PHIP: variants seen among roughly 807,000 people sequenced by gnomAD.
PHIP encodes the protein PHIP subunit of CUL4-Ring ligase complex, also known as PH-interacting protein.
Under a neutral mutation model 236.8 loss-of-function variants are expected in PHIP, and 54 were observed. The ratio of observed to expected loss-of-function variants is 0.23; its 90% CI spans 0.18 to 0.29. The LOEUF (loss-of-function observed/expected upper bound fraction) is 0.29, where lower values mean the gene tolerates loss of function less well. PHIP is among the 10% of genes least tolerant of loss of function. PHIP has a pLI of 1.00. For synonymous variants in PHIP, 756 were observed against 718.9 expected (o/e 1.05, Z -0.83); for missense variants, 1,370 against 2,190.8 (o/e 0.63, Z 7.48).
chr6:79,002,144 T>C lies in PHIP; in HGVS notation c.1654-20A>G, dbSNP rs771116318. 2 of 1,525,164 alleles carry C rather than the reference T, an allele frequency of 1.3e-6. No individual in the cohort carries two copies. The highest frequency in any genetic ancestry group is 1.8e-6 in the Non-Finnish European group (2 of 1,108,690). The allele number at this position is 1,525,164 out of a possible 1,614,324, so 94.5% of individuals were successfully genotyped here. On this transcript the variant is annotated intron_variant, in intron 16 of 39. Coordinates refer to ENST00000275034, the MANE Select transcript of PHIP (RefSeq NM_017934.7). ...TGCTATCTGCAAAAAGAAAAGTCCATAAAAGACTGGAAAAATAAAAATGTA... is the reference window on the plus strand; with the variant it reads ...TGCTATCTGCAAAAAGAAAAGTCCACAAAAGACTGGAAAAATAAAAATGTA...
intron 6 of PHIP, among the ~76,000 whole-genome samples, chr6:79,054,000 TG>T (rs1373707188): frequency 6.6e-6 from 1 of 152,038 alleles, no homozygotes; most frequent in Admixed American, 6.6e-5. Flanking sequence ...TTCAAAGTTT[TG>T]CCCCCTTTTT....
chr6:78,993,266 G>C (rs1008369003), intron 19 of PHIP, among the ~76,000 whole-genome samples: 5 of 152,234 alleles, frequency 3.3e-5, no homozygotes, highest in Non-Finnish European at 7.3e-5. Context: ...TAAAAGTGTA[G>C]GGTGAAGCAG....
At chr6:79,062,489 G>T (rs1413384135) in intron 4 of PHIP, among the ~76,000 whole-genome samples, 1 of 152,078 alleles carries the variant, frequency 6.6e-6, no homozygotes, top group Non-Finnish European at 1.5e-5. Flanking sequence ...TTATTTTAAT[G>T]TGACTTAATT....
At chr6:79,033,349 T>A (rs539478066) in intron 7 of PHIP, among the ~76,000 whole-genome samples, 3 of 152,238 alleles carry the variant, frequency 2.0e-5, no homozygotes, top group East Asian at 3.8e-4. Flanking sequence ...TCCTAGATGA[T>A]GTATTTTTCC....
At chr6:79,003,490 TAA>T (rs1024658019) in intron 16 of PHIP, among the ~76,000 whole-genome samples, 2 of 152,036 alleles carry the variant, frequency 1.3e-5, no homozygotes, top group Admixed American at 1.3e-4. Flanking sequence ...CCCAGGAGGC[TAA>T]GAGTTATTTT....
intron 9 of PHIP, among the ~76,000 whole-genome samples, chr6:79,023,839 A>C (rs1771254955): frequency 6.6e-6 from 1 of 152,188 alleles, no homozygotes; most frequent in African/African-American, 2.4e-5. Flanking sequence ...TTAATTCTGT[A>C]AAACATTTTC....
intron 20 of PHIP, among the ~76,000 whole-genome samples, chr6:78,990,440 T>C (rs190099057): frequency 1.3e-5 from 2 of 152,246 alleles, no homozygotes; most frequent in Admixed American, 1.3e-4. Context: ...CCTCTCTTAA[T>C]GAAGAAAATG....
At chr6:79,067,471 T>C (rs549162449) in intron 4 of PHIP, among the ~76,000 whole-genome samples, 3 of 152,370 alleles carry the variant, frequency 2.0e-5, no homozygotes, top group Non-Finnish European at 2.9e-5. Context: ...TAAAATATCA[T>C]GTTATATTAT....
Position 78,978,684 on chromosome 6 carries a change from T to C in PHIP, c.2797A>G (p.Asn933Asp). 6.3e-7 allele frequency: 1 copy of C among 1,595,408 alleles called. No homozygotes were observed. The highest frequency in any genetic ancestry group is 1.1e-5 in the South Asian group (1 of 88,500). Residue 933 changes from asparagine to aspartate, a missense_variant, in exon 24 of 40, where the codon AAT becomes GAT. Asn to Asp is a conservative substitution (Grantham distance 23, BLOSUM62 1). Coordinates refer to ENST00000275034, the MANE Select transcript of PHIP (RefSeq NM_017934.7). ...KRLAVGELTE[N>D]GLTLEEWLPS... is the part of the protein sequence containing the mutation. ...AACCATTCTTCTAATGTCAAACCATTTTCAGTTAGTTCTCCCACAGCCAAT... is the reference window on the plus strand; with the variant it reads ...AACCATTCTTCTAATGTCAAACCATCTTCAGTTAGTTCTCCCACAGCCAAT...
chr6:78,972,696 G>C lies in PHIP; in HGVS notation c.2890-1808C>G, dbSNP rs1181238923. Among the ~76,000 whole-genome samples, 3 of 152,326 alleles carry C rather than the reference G, an allele frequency of 2.0e-5. No homozygotes were observed. In the East Asian group the frequency reaches 5.8e-4, roughly 29 times the overall value. On this transcript the variant is annotated intron_variant, in intron 24 of 39. Transcript: ENST00000275034. ...AGAAGTGCTTAAAGGAGCTGATAGAGCTGAAAACCAAGGCTCGAGAACTAT... is the reference window on the plus strand; with the variant it reads ...AGAAGTGCTTAAAGGAGCTGATAGACCTGAAAACCAAGGCTCGAGAACTAT...
At chr6:79,026,296 T>G (rs1331957127) in intron 7 of PHIP, 132 bp from the exon 8 acceptor site, 1 of 681,304 alleles carries the variant, frequency 1.5e-6, no homozygotes, top group African/African-American at 1.8e-5. Flanking sequence ...TGTTAAATAC[T>G]TGTGTTAGCT....
chr6:78,984,265 G>A (rs1257767554), intron 22 of PHIP, among the ~76,000 whole-genome samples: 3 of 152,142 alleles, frequency 2.0e-5, no homozygotes, highest in Non-Finnish European at 4.4e-5. Context: ...ATTTCACTAT[G>A]AAATTTAAAA....
chr6:78,975,279 A>G (rs1217236956), intron 24 of PHIP, among the ~76,000 whole-genome samples: 9 of 152,180 alleles, frequency 5.9e-5, no homozygotes, highest in Non-Finnish European at 1.0e-4. Flanking sequence ...AAACCACATG[A>G]TTATCTCAAT....
rs376154621 is a variant in PHIP at position 78,988,250 on chromosome 6, T to C, written c.2419A>G (p.Arg807Gly). Residue 807 changes from arginine (R) to glycine (G), a missense_variant, in exon 21 of 40, where the codon AGA (arginine) becomes GGA (glycine). Physicochemically the swap from Arg to Gly is moderately radical, Grantham distance 125. Around this residue, in one of 14 missense-constraint regions of PHIP, gnomAD observed 99 missense variants for 110.0 expected, o/e 0.90. Coordinates refer to ENST00000275034, the MANE Select transcript of PHIP (RefSeq NM_017934.7). ...CCATTTTCTATCTCTTCTGAGGGTC[T>C]AGGAGTCTCTTCCAATGCAGATCTT... The part of the protein sequence containing the change: ...RTRSALEETP[R>G]PSEEIENGSS... The C allele has an allele frequency of 1.9e-6, 3 of 1,608,668 alleles. No individual in the cohort carries two copies. In the African/African-American group the frequency reaches 4.0e-5, roughly 22 times the overall value.
At chr6:79,076,919 CAG>C (rs1554215437) in intron 4 of PHIP, among the ~76,000 whole-genome samples, 1 of 152,212 alleles carries the variant, frequency 6.6e-6, no homozygotes, top group Non-Finnish European at 1.5e-5. Flanking sequence ...AAATAAACGA[CAG>C]AGGGGGAAAA....
intron 6 of PHIP, among the ~76,000 whole-genome samples, chr6:79,049,975 TA>T (rs892634686): frequency 7.3e-5 from 11 of 151,156 alleles, no homozygotes; most frequent in African/African-American, 1.9e-4. Flanking sequence ...AATATGAGGG[TA>T]AAAAAAAATT....
chr6:78,980,490 T>C (rs1278977282), intron 23 of PHIP, among the ~76,000 whole-genome samples: 5 of 152,016 alleles, frequency 3.3e-5, no homozygotes, highest in Admixed American at 6.6e-5. Context: ...GAATCAAAGA[T>C]ATCTCCAGGG....
intron 19 of PHIP, among the ~76,000 whole-genome samples, chr6:78,992,554 C>T (rs1769334338): frequency 6.6e-6 from 1 of 151,980 alleles, no homozygotes. Context: ...ACCACATATG[C>T]TAACTTCGTG....
chr6:78,986,250 T>G (rs1360689369), intron 21 of PHIP, among the ~76,000 whole-genome samples: 2 of 152,228 alleles, frequency 1.3e-5, no homozygotes, highest in African/African-American at 4.8e-5. Flanking sequence ...TTAAACACTC[T>G]GTTTCTCTTT....
Sources: gnomAD v4.1 joint callset for allele counts (sites outside exome capture counted in the v4.1 genomes callset) on GRCh38, gnomAD v4.1.1 for gene constraint, gnomAD v4.1.1 regional missense constraint, MANE v1.5 for transcripts, NCBI Gene and HGNC (gene_info 2026-07-23, HGNC 2026-07-21) for gene names.